Variants in TMEFF2 observed in about 807,000 individuals in gnomAD.
TMEFF2 encodes transmembrane protein with EGF like and two follistatin like domains 2.
In TMEFF2, 28 loss-of-function variants were observed where a neutral mutation model predicts 53.8. That is an observed-to-expected ratio of 0.52 (90% CI 0.39 to 0.71). The LOEUF (loss-of-function observed/expected upper bound fraction) is 0.71, where lower values mean the gene tolerates loss of function less well. Ranked by LOEUF, TMEFF2 falls within the 30% of genes least tolerant of loss-of-function variation. TMEFF2 has a pLI of 0.00. For synonymous variants in TMEFF2, 162 were observed against 166.3 expected (o/e 0.97, Z 0.20); for missense variants, 353 against 455.2 (o/e 0.78, Z 2.04).
intron 5 of TMEFF2, chr2:192,035,425 T>G (rs1490779973): frequency 2.0e-5 from 3 of 152,200 alleles, no homozygotes; most frequent in Non-Finnish European, 4.4e-5. Flanking sequence ...ATTGGAAATA[T>G]TCAGTGAGTA....
chr2:192,098,868 A>G (rs1437763706), intron 4 of TMEFF2, among the ~76,000 whole-genome samples: 3 of 152,194 alleles, frequency 2.0e-5, no homozygotes, highest in African/African-American at 7.2e-5. Flanking sequence ...CATTTTATTC[A>G]GTTTAGTTAT....
At chr2:192,179,748 A>T (rs1691140353) in intron 3 of TMEFF2, 54 bp from the exon 4 acceptor site, 1 of 1,479,710 alleles carries the variant, frequency 6.8e-7, no homozygotes, top group Non-Finnish European at 9.0e-7. Context: ...AATATTTATG[A>T]CTTTTTAAGC....
intron 4 of TMEFF2, among the ~76,000 whole-genome samples, chr2:192,086,070 T>C (rs555740936): frequency 6.6e-6 from 1 of 152,292 alleles, no homozygotes; most frequent in African/African-American, 2.4e-5. Context: ...ATAGGAAAGA[T>C]GAAATTTGTT....
intron 5 of TMEFF2, among the ~76,000 whole-genome samples, chr2:192,053,957 T>A (rs1687836786): frequency 6.6e-6 from 1 of 152,222 alleles, no homozygotes; most frequent in South Asian, 2.1e-4. Context: ...ATCAATGCAC[T>A]TGTCATTTCA....
At chr2:192,134,781 T>C (rs1338457674) in intron 4 of TMEFF2, among the ~76,000 whole-genome samples, 1 of 152,160 alleles carries the variant, frequency 6.6e-6, no homozygotes, top group Admixed American at 6.5e-5. Context: ...TTCCCTTCTG[T>C]CAGACATAAT....
At chr2:192,056,591 T>C (rs1687916690) in intron 5 of TMEFF2, among the ~76,000 whole-genome samples, 1 of 152,182 alleles carries the variant, frequency 6.6e-6, no homozygotes, top group Non-Finnish European at 1.5e-5. Context: ...TAATAAGTAT[T>C]ATTCATTATC....
intron 4 of TMEFF2, among the ~76,000 whole-genome samples, chr2:192,064,024 TA>T (rs1688110740): frequency 6.6e-6 from 1 of 151,874 alleles, no homozygotes; most frequent in African/African-American, 2.4e-5. Flanking sequence ...TTAGTCCTTT[TA>T]CTTCAATTAT....
At chr2:191,973,582 G>C (rs776682167) in intron 7 of TMEFF2, among the ~76,000 whole-genome samples, 1 of 104,942 alleles carries the variant, frequency 9.5e-6, no homozygotes, top group Non-Finnish European at 2.0e-5. Flanking sequence ...TGTCATGAGA[G>C]GGCTAAAGGC....
intron 7 of TMEFF2, among the ~76,000 whole-genome samples, chr2:191,974,780 G>C (rs1692752020): frequency 6.6e-6 from 1 of 152,040 alleles, no homozygotes; most frequent in South Asian, 2.1e-4. Flanking sequence ...AGACCATTTA[G>C]TCTATCTGGA....
intron 5 of TMEFF2, among the ~76,000 whole-genome samples, chr2:192,030,877 C>T (rs1687115654): frequency 2.0e-5 from 3 of 152,076 alleles, no homozygotes; most frequent in South Asian, 2.1e-4. Context: ...GTTAATTCTT[C>T]GCCTGCATGA....
intron 4 of TMEFF2, among the ~76,000 whole-genome samples, chr2:192,083,598 AAAGTC>A (rs1688603050): frequency 6.6e-6 from 1 of 151,990 alleles, no homozygotes; most frequent in Non-Finnish European, 1.5e-5. Context: ...AAGTTATTTC[AAAGTC>A]AAGTAGTAGA....
chr2:191,965,387 A>G (rs567444505), intron 7 of TMEFF2, among the ~76,000 whole-genome samples: 43 of 152,202 alleles, frequency 2.8e-4, no homozygotes, highest in South Asian at 2.3e-3. Flanking sequence ...ATTTCTCTAC[A>G]TTTCTACTGC....
chr2:191,968,033 G>C (rs4417665), intron 7 of TMEFF2, among the ~76,000 whole-genome samples: 30,931 of 152,142 alleles, frequency 0.2, 3,247 homozygotes, highest in Middle Eastern at 0.25. Flanking sequence ...TCTAGATTTT[G>C]TCAATTCTCA....
chr2:192,089,924 T>C (rs1340392771), intron 4 of TMEFF2, among the ~76,000 whole-genome samples: 1 of 152,172 alleles, frequency 6.6e-6, no homozygotes, highest in Non-Finnish European at 1.5e-5. Context: ...CATATTCTTT[T>C]CTCCACGCAT....
chr2:191,991,002 C>T (rs1288384025), intron 7 of TMEFF2, among the ~76,000 whole-genome samples: 1 of 151,966 alleles, frequency 6.6e-6, no homozygotes, highest in Non-Finnish European at 1.5e-5. Flanking sequence ...TAAGCTATGT[C>T]TTCCTACTGA....
At chr2:191,976,613 G>A (rs1685734959) in intron 7 of TMEFF2, among the ~76,000 whole-genome samples, 1 of 152,186 alleles carries the variant, frequency 6.6e-6, no homozygotes. Flanking sequence ...TGGTCTTTTG[G>A]CAATTTCCTT....
At chr2:191,952,577 T>C (rs1286947705) in intron 9 of TMEFF2, among the ~76,000 whole-genome samples, 1 of 152,042 alleles carries the variant, frequency 6.6e-6, no homozygotes, top group East Asian at 1.9e-4. Context: ...GAGAGTCGAG[T>C]TGATGAACTC....
At chr2:192,120,624 T>C (rs1689527554) in intron 4 of TMEFF2, among the ~76,000 whole-genome samples, 1 of 152,216 alleles carries the variant, frequency 6.6e-6, no homozygotes, top group South Asian at 2.1e-4. Flanking sequence ...AACTCTCCTT[T>C]CTACCAATTT....
At chr2:191,970,812 G>A (rs750762522) in intron 7 of TMEFF2, among the ~76,000 whole-genome samples, 4 of 152,090 alleles carry the variant, frequency 2.6e-5, no homozygotes, top group Non-Finnish European at 4.4e-5. Flanking sequence ...GATTGGTTTC[G>A]GCTAGGATGT....
Sources: allele counts gnomAD v4.1 joint callset (sites outside exome capture counted in the v4.1 genomes callset), GRCh38; gene constraint gnomAD v4.1.1; transcripts MANE v1.5; gene names NCBI Gene and HGNC (gene_info 2026-07-23, HGNC 2026-07-21).